ADAMTSL1: variants seen among roughly 807,000 people sequenced by gnomAD.
ADAMTSL1 encodes the protein ADAMTS like 1, also known as ADAMTS-like protein 1.
Under a neutral mutation model 201.8 loss-of-function variants are expected in ADAMTSL1, and 126 were observed. That is an observed-to-expected ratio of 0.62 (90% CI 0.54 to 0.72). The LOEUF is 0.72. Among genes scored for constraint, ADAMTSL1 ranks in the 30% least tolerant of loss-of-function variants. ADAMTSL1 has a pLI of 0.00. For synonymous variants in ADAMTSL1, 1,121 were observed against 903.4 expected (o/e 1.24, Z -4.32); for missense variants, 2,679 against 2,277.8 (o/e 1.18, Z -3.59).
intron 19 of ADAMTSL1, among the ~76,000 whole-genome samples, chr9:18,790,286 C>G (rs192537583): frequency 1.3e-5 from 2 of 152,250 alleles, no homozygotes; most frequent in African/African-American, 4.8e-5. Context: ...GCCCACCACA[C>G]GACTCTAGAC....
At chr9:18,314,180 A>T (rs1586876773) in intron 2 of ADAMTSL1, among the ~76,000 whole-genome samples, 2 of 152,330 alleles carry the variant, frequency 1.3e-5, no homozygotes, top group East Asian at 3.9e-4. Flanking sequence ...GACAAGAGAT[A>T]GCACATGTTG....
At chr9:18,492,538 C>G (rs533378831) in intron 1 of ADAMTSL1, among the ~76,000 whole-genome samples, 5 of 152,256 alleles carry the variant, frequency 3.3e-5, no homozygotes, top group African/African-American at 9.6e-5. Context: ...CAAAACAATT[C>G]TTAGGACTGA....
chr9:18,870,061 ATT>A (rs1208404793), intron 23 of ADAMTSL1, among the ~76,000 whole-genome samples: 2 of 151,972 alleles, frequency 1.3e-5, no homozygotes, highest in African/African-American at 4.8e-5. Context: ...CATTTTTCAT[ATT>A]GTTAAGCTCT....
chr9:18,255,431 T>A (rs1005426279), intron 2 of ADAMTSL1, among the ~76,000 whole-genome samples: 2 of 152,194 alleles, frequency 1.3e-5, no homozygotes, highest in African/African-American at 4.8e-5. Context: ...AGTACTTAAT[T>A]TCTGCAGAGT....
At chr9:18,539,712 C>T (rs866879539) in intron 3 of ADAMTSL1, among the ~76,000 whole-genome samples, 60 of 152,134 alleles carry the variant, frequency 3.9e-4, no homozygotes, top group African/African-American at 1.3e-3. Context: ...TGATTCCAGG[C>T]TTTGGGATGT....
At chr9:18,845,417 C>G (rs1826042316) in intron 23 of ADAMTSL1, among the ~76,000 whole-genome samples, 1 of 152,248 alleles carries the variant, frequency 6.6e-6, no homozygotes, top group South Asian at 2.1e-4. Context: ...GTGCTTCTCC[C>G]TGGTGGGAGG....
intron 1 of ADAMTSL1, among the ~76,000 whole-genome samples, chr9:18,496,312 A>G (rs1360809857): frequency 6.6e-6 from 1 of 152,240 alleles, no homozygotes; most frequent in African/African-American, 2.4e-5. Flanking sequence ...ACAAGAATGT[A>G]AAAAAGAAGA....
intron 2 of ADAMTSL1, among the ~76,000 whole-genome samples, chr9:18,454,967 T>C (rs1820546855): frequency 6.6e-6 from 1 of 152,208 alleles, no homozygotes; most frequent in Non-Finnish European, 1.5e-5. Flanking sequence ...TTTCACCTGT[T>C]TCACAAATAC....
At chr9:18,748,531 A>G (rs1401525317) in intron 15 of ADAMTSL1, among the ~76,000 whole-genome samples, 1 of 152,206 alleles carries the variant, frequency 6.6e-6, no homozygotes. Context: ...ATTCAGATCC[A>G]GTTTGTCACG....
At chr9:18,065,749 G>A (rs1822664874) in intron 1 of ADAMTSL1, among the ~76,000 whole-genome samples, 1 of 152,146 alleles carries the variant, frequency 6.6e-6, no homozygotes, top group Non-Finnish European at 1.5e-5. Flanking sequence ...GGGAGGCCGA[G>A]GCGGGTGGAT....
chr9:18,316,124 T>G (rs1360559931), intron 2 of ADAMTSL1, among the ~76,000 whole-genome samples: 1 of 152,100 alleles, frequency 6.6e-6, no homozygotes, highest in Non-Finnish European at 1.5e-5. Flanking sequence ...GGAGGGAATG[T>G]GCGAATAGGT....
chr9:18,394,537 A>G (rs72686886), intron 2 of ADAMTSL1, among the ~76,000 whole-genome samples: 30,217 of 152,190 alleles, frequency 0.2, 3,692 homozygotes, highest in African/African-American at 0.34. Context: ...TAAGAGAAAG[A>G]AGCTTGTTAT....
intron 16 of ADAMTSL1, among the ~76,000 whole-genome samples, chr9:18,768,621 A>T (rs1469676248): frequency 6.6e-6 from 1 of 152,114 alleles, no homozygotes; most frequent in East Asian, 1.9e-4. Context: ...TAAATTTGAA[A>T]TGAAAAAAAT....
intron 2 of ADAMTSL1, among the ~76,000 whole-genome samples, chr9:18,314,923 A>G (rs933737282): frequency 1.4e-5 from 2 of 146,552 alleles, no homozygotes; most frequent in African/African-American, 2.5e-5. Context: ...CAGCCTCCCG[A>G]GTAGCTGGGA....
At chr9:17,995,671 T>C (rs1273508253) in intron 1 of ADAMTSL1, among the ~76,000 whole-genome samples, 2 of 152,068 alleles carry the variant, frequency 1.3e-5, no homozygotes, top group Admixed American at 6.6e-5. Context: ...AAATTGTTTT[T>C]TAACAGAAGG....
At chr9:18,510,191 A>G (rs538262638) in intron 2 of ADAMTSL1, among the ~76,000 whole-genome samples, 3 of 152,268 alleles carry the variant, frequency 2.0e-5, no homozygotes, top group South Asian at 2.1e-4. Flanking sequence ...TCTATTCCCA[A>G]TATGAAAGAA....
intron 1 of ADAMTSL1, among the ~76,000 whole-genome samples, chr9:17,933,921 C>G (rs549210044): frequency 6.6e-6 from 1 of 152,246 alleles, no homozygotes; most frequent in South Asian, 2.1e-4. Flanking sequence ...CTCAAAGATA[C>G]TTGTTTCTGT....
intron 1 of ADAMTSL1, among the ~76,000 whole-genome samples, chr9:18,058,324 T>C (rs1326903861): frequency 6.6e-6 from 1 of 152,156 alleles, no homozygotes; most frequent in Non-Finnish European, 1.5e-5. Context: ...TACCTAAATA[T>C]AAGATTTCTA....
chr9:18,114,484 A>C (rs1330887798), intron 1 of ADAMTSL1, among the ~76,000 whole-genome samples: 1 of 152,142 alleles, frequency 6.6e-6, no homozygotes, highest in East Asian at 1.9e-4. Flanking sequence ...TAATGCTAAA[A>C]AATAAGGAAG....
Sources: allele counts gnomAD v4.1 joint callset (sites outside exome capture counted in the v4.1 genomes callset), GRCh38; gene constraint gnomAD v4.1.1; transcripts MANE v1.5; gene names NCBI Gene and HGNC (gene_info 2026-07-23, HGNC 2026-07-21).